Variants in ABCA13 observed in about 807,000 individuals in gnomAD.
ABCA13 encodes the protein ATP-binding cassette sub-family A member 13.
A neutral mutation model predicts 478.7 loss-of-function variants in ABCA13; 476 were observed. That is an observed-to-expected ratio of 0.99 (90% CI 0.92 to 1.07). ABCA13 has a LOEUF of 1.07. Ranked by LOEUF, ABCA13 falls within the 50% of genes least tolerant of loss-of-function variation. The pLI, the probability that ABCA13 is intolerant of heterozygous loss-of-function variation, is 0.00. For synonymous variants in ABCA13, 2,252 were observed against 2,158.9 expected (o/e 1.04, Z -1.20); for missense variants, 6,060 against 5,910.6 (o/e 1.03, Z -0.83).
At chr7:48,301,815 T>C (rs1250858182) in intron 23 of ABCA13, among the ~76,000 whole-genome samples, 6 of 151,918 alleles carry the variant, frequency 3.9e-5, no homozygotes, top group Non-Finnish European at 7.4e-5. Flanking sequence ...GGCTTTTCTC[T>C]TTGATTTGTT....
intron 31 of ABCA13, among the ~76,000 whole-genome samples, 187 bp downstream of exon 31, chr7:48,352,674 A>G (rs951541900): frequency 8.5e-5 from 13 of 152,104 alleles, no homozygotes; most frequent in Non-Finnish European, 4.4e-5. Flanking sequence ...GAAGAAATAT[A>G]ATGGTTGAGA....
intron 45 of ABCA13, among the ~76,000 whole-genome samples, chr7:48,478,293 T>A (rs942873744): frequency 1.5e-3 from 200 of 132,834 alleles, no homozygotes; most frequent in African/African-American, 4.7e-3. Context: ...ATATATCATT[T>A]TATATATATA....
chr7:48,456,534 CCTA>C (rs1825694889), intron 43 of ABCA13, among the ~76,000 whole-genome samples: 1 of 152,140 alleles, frequency 6.6e-6, no homozygotes, highest in East Asian at 1.9e-4. Flanking sequence ...CTACAGTAAA[CCTA>C]CTGGGATAAT....
intron 47 of ABCA13, 93 bp downstream of exon 47, chr7:48,483,256 C>A: frequency 1.8e-6 from 2 of 1,086,186 alleles, no homozygotes; most frequent in Non-Finnish European, 2.7e-6. Context: ...TTCAGAAGGA[C>A]CAGATTAAAT....
intron 31 of ABCA13, among the ~76,000 whole-genome samples, chr7:48,366,008 T>C (rs1004428501): frequency 6.6e-6 from 1 of 152,102 alleles, no homozygotes; most frequent in Non-Finnish European, 1.5e-5. Flanking sequence ...CTAAAACTTA[T>C]ATGGAACCAC....
At chr7:48,577,795 T>C (rs1410433898) in intron 55 of ABCA13, among the ~76,000 whole-genome samples, 1 of 152,132 alleles carries the variant, frequency 6.6e-6, no homozygotes, top group Non-Finnish European at 1.5e-5. Flanking sequence ...TATAGCCTAG[T>C]ATCTCTTATG....
intron 58 of ABCA13, among the ~76,000 whole-genome samples, chr7:48,603,425 G>A (rs1230131571): frequency 6.6e-6 from 1 of 152,134 alleles, no homozygotes; most frequent in Non-Finnish European, 1.5e-5. Flanking sequence ...TTTATTGAGA[G>A]TTTTTAGCAT....
At chr7:48,253,211 GTGAC>G (rs1253318331) in intron 15 of ABCA13, among the ~76,000 whole-genome samples, 2 of 152,200 alleles carry the variant, frequency 1.3e-5, no homozygotes, top group Non-Finnish European at 2.9e-5. Flanking sequence ...ACATGCCACA[GTGAC>G]TGACTGCTGC....
At position 48,239,373 on chromosome 7, in the gene ABCA13, C is replaced by T. The variant is rs1025122028; in HGVS notation, c.1030C>T (p.His344Tyr). 5 of 1,613,604 alleles carry T rather than the reference C, an allele frequency of 3.1e-6. No individual in the cohort carries two copies. The highest frequency in any genetic ancestry group is 1.3e-5 in the African/African-American group (1 of 74,922). The change falls in exon 9 of 62, where the codon CAT (histidine) becomes TAT (tyrosine). Residue 344 changes from histidine (H) to tyrosine (Y), a missense_variant. Around this residue, in one of 3 missense-constraint regions of ABCA13, gnomAD observed 4,423 missense variants for 4,309.1 expected, o/e 1.03. Coordinates refer to ENST00000435803, the MANE Select transcript of ABCA13 (RefSeq NM_152701.5). ...KWSEAKNYLV[H>Y]AVSWLRVYQQ... Reference sequence around the variant, plus strand: ...GTCAGAAGCCAAAAACTATCTTGTCCATGCAGTCAGCTGGCTGCGAGTCTA... The same window carrying T: ...GTCAGAAGCCAAAAACTATCTTGTCTATGCAGTCAGCTGGCTGCGAGTCTA...
chr7:48,218,016 T>C (rs889937782), intron 3 of ABCA13, among the ~76,000 whole-genome samples: 1 of 152,228 alleles, frequency 6.6e-6, no homozygotes, highest in Non-Finnish European at 1.5e-5. Flanking sequence ...CTCTCACACA[T>C]ACACACAAAT....
intron 55 of ABCA13, among the ~76,000 whole-genome samples, chr7:48,534,505 G>T (rs781176354): frequency 2.0e-5 from 3 of 152,038 alleles, no homozygotes; most frequent in Non-Finnish European, 4.4e-5. Context: ...TTTTTTCAAT[G>T]AATTTCCCAG....
chr7:48,462,380 CA>C (rs1390277071), intron 43 of ABCA13, among the ~76,000 whole-genome samples: 1 of 151,982 alleles, frequency 6.6e-6, no homozygotes, highest in African/African-American at 2.4e-5. Context: ...CTCTTCCCCT[CA>C]TAGGTAACTT....
intron 2 of ABCA13, among the ~76,000 whole-genome samples, chr7:48,193,355 A>G (rs1288556650): frequency 6.6e-5 from 10 of 152,154 alleles, no homozygotes; most frequent in Non-Finnish European, 1.5e-5. Context: ...GAAGAAGTAG[A>G]AGTGGGAGAT....
At chr7:48,231,156 G>A (rs1302830837) in intron 7 of ABCA13, among the ~76,000 whole-genome samples, 9 of 149,834 alleles carry the variant, frequency 6.0e-5, no homozygotes, top group Non-Finnish European at 8.9e-5. Flanking sequence ...CTTGTATCCC[G>A]GAACTTAAAG....
intron 41 of ABCA13, 46 bp from the exon 42 acceptor site, chr7:48,427,720 G>A (rs1821618255): frequency 7.8e-7 from 1 of 1,283,960 alleles, no homozygotes; most frequent in Non-Finnish European, 1.1e-6. Context: ...AATGCGATGT[G>A]TATAGAAACA....
At position 48,644,698 on chromosome 7, in the gene ABCA13, AATAAAACCTTCTTGAAT is replaced by A; in HGVS notation, c.15028_15044del (p.Lys5010Ter). 6.2e-7 allele frequency: 1 copy of A among 1,611,560 alleles called. No individual in the cohort carries two copies. The highest frequency in any genetic ancestry group is 8.5e-7 in the Non-Finnish European group (1 of 1,179,348). The stretch of plus-strand genomic sequence containing the variant: ...TGACTTGTTCAAAGTTATAGAGAAC[AATAAAACCTTCTTGAAT>A]ATTAAGCATTATTCCATTAACCAAA... On this transcript the variant is annotated frameshift_variant, in exon 61 of 62. Transcript: ENST00000435803. LOFTEE classifies it high-confidence loss of function.
At chr7:48,535,072 G>A (rs768573209) in intron 55 of ABCA13, among the ~76,000 whole-genome samples, 4 of 152,172 alleles carry the variant, frequency 2.6e-5, no homozygotes, top group Non-Finnish European at 5.9e-5. Context: ...TTTTAGGGGT[G>A]TTAAAGAATT....
At chr7:48,561,047 G>A (rs554394438) in intron 55 of ABCA13, among the ~76,000 whole-genome samples, 33 of 152,098 alleles carry the variant, frequency 2.2e-4, no homozygotes, top group Non-Finnish European at 3.8e-4. Flanking sequence ...TCCTTTTTAA[G>A]GGCTGAATAG....
At chr7:48,363,269 G>A (rs1452134783) in intron 31 of ABCA13, among the ~76,000 whole-genome samples, 1 of 152,108 alleles carries the variant, frequency 6.6e-6, no homozygotes, top group Admixed American at 6.6e-5. Flanking sequence ...CCTTCCTTAA[G>A]TATCCTGTAA....
Sources: allele counts gnomAD v4.1 joint callset (sites outside exome capture counted in the v4.1 genomes callset), GRCh38; gene constraint gnomAD v4.1.1; regional missense constraint gnomAD v4.1.1; transcripts MANE v1.5; gene names NCBI Gene and HGNC (gene_info 2026-07-23, HGNC 2026-07-21).